WHRN: variants seen among roughly 807,000 people sequenced by gnomAD.
The protein encoded by WHRN is whirlin.
In WHRN, 41 loss-of-function variants were observed where a neutral mutation model predicts 68.3. The observed-to-expected ratio is 0.60, with a 90% CI of 0.47 to 0.78. The LOEUF is 0.78. Among genes scored for constraint, WHRN ranks in the 30% least tolerant of loss-of-function variants. WHRN has a pLI of 0.00. For missense variants in WHRN, 1,243 were observed against 1,244.7 expected (o/e 1.00, Z 0.02); for synonymous variants, 560 against 561.3 (o/e 1.00, Z 0.03).
At chr9:114,484,532 A>G (rs1842336429) in intron 1 of WHRN, among the ~76,000 whole-genome samples, 2 of 152,232 alleles carry the variant, frequency 1.3e-5, no homozygotes, top group Admixed American at 1.3e-4. Flanking sequence ...ACGGCTGAAA[A>G]GGAAAATTGC....
chr9:114,417,768 T>C (rs922940491), intron 7 of WHRN, among the ~76,000 whole-genome samples: 2 of 152,262 alleles, frequency 1.3e-5, no homozygotes, highest in South Asian at 2.1e-4. Context: ...TTCAAGCTCT[T>C]TCTCTCTCTG....
chr9:114,458,638 C>T (rs1839999157), intron 3 of WHRN, among the ~76,000 whole-genome samples: 1 of 152,138 alleles, frequency 6.6e-6, no homozygotes, highest in African/African-American at 2.4e-5. Flanking sequence ...GTGAGTCTTT[C>T]CTGTTGTTGG....
intron 3 of WHRN, among the ~76,000 whole-genome samples, chr9:114,449,658 G>T (rs1839144388): frequency 6.6e-6 from 1 of 152,220 alleles, no homozygotes; most frequent in South Asian, 2.1e-4. Flanking sequence ...CGGGTGGGGA[G>T]CAGAGGCTAC....
At chr9:114,409,244 G>GGAA (rs72535162) in intron 7 of WHRN, among the ~76,000 whole-genome samples, 1 of 152,046 alleles carries the variant, frequency 6.6e-6, no homozygotes, top group Non-Finnish European at 1.5e-5. Flanking sequence ...GGGACACAGA[G>GGAA]GTGGGACACC....
chr9:114,450,180 C>G (rs1341204286), intron 3 of WHRN, among the ~76,000 whole-genome samples: 1 of 152,092 alleles, frequency 6.6e-6, no homozygotes, highest in Non-Finnish European at 1.5e-5. Context: ...TGAGCTGGAC[C>G]TCAGCAAGGA....
At chr9:114,490,246 C>T (rs995700113) in intron 1 of WHRN, among the ~76,000 whole-genome samples, 5 of 152,146 alleles carry the variant, frequency 3.3e-5, no homozygotes, top group Admixed American at 2.0e-4. Context: ...GATCATTAAA[C>T]GCAATGACAA....
At position 114,429,283 on chromosome 9, in the gene WHRN, T is replaced by G. The variant is rs149630321; in HGVS notation, c.964-2870A>C. ...TGCTTTGATGACATCTCTCCCTGCT[T>G]AAACACCTCCCATGACCCCTCATAA... On this transcript the variant is annotated intron_variant, in intron 3 of 11. Coordinates refer to ENST00000362057, the MANE Select transcript of WHRN (RefSeq NM_015404.4). 3.0e-3 allele frequency among the ~76,000 whole-genome samples: 455 copies of G among 152,314 alleles called. 2 individuals carry two copies. Among genetic ancestry groups the G allele is most frequent in the Non-Finnish European group, 4.5e-3 (303 of 68,020 alleles).
At chr9:114,432,827 T>C (rs1698117762) in intron 3 of WHRN, among the ~76,000 whole-genome samples, 4 of 152,164 alleles carry the variant, frequency 2.6e-5, no homozygotes, top group African/African-American at 7.2e-5. Context: ...ATGCAATAAA[T>C]GCATTTTTGA....
Position 114,426,234 on chromosome 9 carries a change from C to G in WHRN, c.1143G>C (p.Arg381Ser), listed in dbSNP as rs748279121. The part of the protein sequence containing the change: ...ETKWIASSRI[R>S]ETMANSAGFL... ...ACCCTGCCGAGTTCGCCATGGTCTC[C>G]CTGATCCGGGAACTGGCGATCCACT... The change falls in exon 4 of 12, where the codon AGG becomes AGC. Residue 381 changes from arginine to serine, a missense_variant. By Grantham distance (110) the Arg-to-Ser change is moderately radical. Coordinates refer to ENST00000362057, the MANE Select transcript of WHRN (RefSeq NM_015404.4). The G allele has an allele frequency of 3.1e-6, 5 of 1,612,470 alleles. No individual in the cohort carries two copies. In the East Asian group the frequency reaches 1.1e-4, roughly 36 times the overall value.
chr9:114,464,017 T>C (rs1163941426), intron 3 of WHRN, among the ~76,000 whole-genome samples: 1 of 152,212 alleles, frequency 6.6e-6, no homozygotes, highest in African/African-American at 2.4e-5. Context: ...AGGGGATGGA[T>C]ACCCCATTCT....
At chr9:114,455,746 A>G (rs1375518161) in intron 3 of WHRN, among the ~76,000 whole-genome samples, 1 of 151,914 alleles carries the variant, frequency 6.6e-6, no homozygotes, top group African/African-American at 2.4e-5. Context: ...ATATTTTCCA[A>G]TCACATTTCT....
At chr9:114,411,285 C>T (rs1427093242) in intron 7 of WHRN, among the ~76,000 whole-genome samples, 4 of 152,218 alleles carry the variant, frequency 2.6e-5, no homozygotes, top group Non-Finnish European at 5.9e-5. Flanking sequence ...AACAGTGAGG[C>T]AGTGATTGAC....
chr9:114,486,099 C>G (rs145757892), intron 1 of WHRN, among the ~76,000 whole-genome samples: 110 of 152,300 alleles, frequency 7.2e-4, no homozygotes, highest in Non-Finnish European at 1.2e-3. Flanking sequence ...ATGGTAGGTA[C>G]TAAATGCATG....
At chr9:114,428,825 C>G (rs1837131330) in intron 3 of WHRN, among the ~76,000 whole-genome samples, 1 of 151,782 alleles carries the variant, frequency 6.6e-6, no homozygotes, top group South Asian at 2.1e-4. Context: ...CCCCCATCAG[C>G]CCCCTGACCT....
rs753101472 is a variant in WHRN, at chr9:114,402,848, T to C, written c.2630A>G (p.His877Arg). 1 of 1,614,090 alleles carries C rather than the reference T, an allele frequency of 6.2e-7. No individual in the cohort carries two copies. Among genetic ancestry groups the C allele is most frequent in the Non-Finnish European group, 8.5e-7 (1 of 1,180,018 alleles). Residue 877 changes from histidine to arginine, a missense_variant, in exon 12 of 12, where the codon CAC becomes CGC. Physicochemically the swap from His to Arg is conservative, Grantham distance 29 (BLOSUM62 0). Coordinates refer to ENST00000362057, the MANE Select transcript of WHRN (RefSeq NM_015404.4). Reference sequence around the variant, plus strand: ...GGCGATAATGCGGGCGGCCTCCCGGTGCTCCTTGCCCCGAAGCGTCAGCCC... The same window carrying C: ...GGCGATAATGCGGGCGGCCTCCCGGCGCTCCTTGCCCCGAAGCGTCAGCCC... ...VNGLTLRGKE[H>R]REAARIIAEA... is the part of the protein sequence containing the mutation.
intron 7 of WHRN, among the ~76,000 whole-genome samples, chr9:114,415,123 C>A (rs887610371): frequency 6.6e-6 from 1 of 152,046 alleles, no homozygotes; most frequent in Non-Finnish European, 1.5e-5. Context: ...ATAGTGAGAC[C>A]CCCATCACTA....
chr9:114,435,213 C>A (rs7044547), intron 3 of WHRN, among the ~76,000 whole-genome samples: 67,905 of 151,958 alleles, frequency 0.45, 16,593 homozygotes, highest in African/African-American at 0.65. Flanking sequence ...AAAGTCAGTG[C>A]GCTGCACCCC....
chr9:114,426,501 T>G lies in WHRN; in HGVS notation c.964-88A>C, dbSNP rs1029326676. The G allele has an allele frequency of 1.3e-5, 20 of 1,482,384 alleles. No individual in the cohort carries two copies. The African/African-American group carries it at 2.3e-4, about 17-fold the overall frequency. The allele number at this position is 1,482,384 out of a possible 1,614,324, so 91.8% of individuals were successfully genotyped here. On this transcript the variant is annotated intron_variant, in intron 3 of 11. Coordinates refer to ENST00000362057, the MANE Select transcript of WHRN (RefSeq NM_015404.4). ...CACAGCCCAGATCCCAATTCTCCTC[T>G]GGGCCAGCCTGTCAAGGAGGTCATC...
intron 3 of WHRN, among the ~76,000 whole-genome samples, chr9:114,465,660 T>C (rs4979406): frequency 1 from 152,314 of 152,364 alleles, 76,132 homozygotes; most frequent in Non-Finnish European, 1. Context: ...TAAGTGAGGG[T>C]TTTGAAATTC....
Sources: gnomAD v4.1 joint callset for allele counts (sites outside exome capture counted in the v4.1 genomes callset) on GRCh38, gnomAD v4.1.1 for gene constraint, MANE v1.5 for transcripts, NCBI Gene and HGNC (gene_info 2026-07-23, HGNC 2026-07-21) for gene names.